The following UNC5D variants were observed in gnomAD, a reference collection of about 807,000 sequenced individuals.
The protein encoded by UNC5D is netrin receptor UNC5D.
Under a neutral mutation model 105.4 loss-of-function variants are expected in UNC5D, and 39 were observed. The ratio of observed to expected loss-of-function variants is 0.37; its 90% CI spans 0.29 to 0.48. The LOEUF (loss-of-function observed/expected upper bound fraction) is 0.48, where lower values mean the gene tolerates loss of function less well. Among genes scored for constraint, UNC5D ranks in the 20% least tolerant of loss-of-function variants. UNC5D has a pLI of 0.98. For synonymous variants in UNC5D, 452 were observed against 450.4 expected (o/e 1.00, Z -0.04); for missense variants, 991 against 1,202.4 (o/e 0.82, Z 2.60).
In UNC5D at chr8:35,375,548, A is replaced by T. The variant is rs1802650076; in HGVS notation, c.103+139661A>T. Among the ~76,000 whole-genome samples, 2 of 104,936 alleles carry T rather than the reference A, an allele frequency of 1.9e-5. 1 individual carries two copies. Among genetic ancestry groups the T allele is most frequent in the East Asian group, 8.1e-4 (2 of 2,478 alleles). 68.8% of individuals were successfully genotyped at this position (104,936 alleles called of 152,430 possible). On this transcript the variant is annotated intron_variant, in intron 1 of 16. Coordinates refer to ENST00000404895, the MANE Select transcript of UNC5D (RefSeq NM_080872.4). Reference sequence around the variant, plus strand: ...GCTCAGTGATGGCAAACCAATGCCCATACAATAATAGTAACAAATAAGATT... The same window carrying T: ...GCTCAGTGATGGCAAACCAATGCCCTTACAATAATAGTAACAAATAAGATT...
chr8:35,679,536 G>A (rs758880520), intron 4 of UNC5D, among the ~76,000 whole-genome samples: 3 of 152,114 alleles, frequency 2.0e-5, no homozygotes, highest in Non-Finnish European at 2.9e-5. Flanking sequence ...TAAAGCTCGA[G>A]GCTCTGAGGT....
intron 4 of UNC5D, among the ~76,000 whole-genome samples, chr8:35,664,864 G>C (rs568149831): frequency 2.9e-4 from 44 of 151,886 alleles, no homozygotes; most frequent in Non-Finnish European, 4.9e-4. Flanking sequence ...TATTTATTTA[G>C]AGATGGGTCT....
At chr8:35,614,389 TG>T (rs1306533196) in intron 4 of UNC5D, among the ~76,000 whole-genome samples, 1 of 152,194 alleles carries the variant, frequency 6.6e-6, no homozygotes. Flanking sequence ...GGGGTGTCCA[TG>T]TTCTGAAGCA....
chr8:35,724,084 C>A, intron 9 of UNC5D: 1 of 1,351,532 alleles, frequency 7.4e-7, no homozygotes, highest in South Asian at 1.9e-5. Flanking sequence ...CAGCGTGTTC[C>A]GTGGAGCACC....
intron 1 of UNC5D, among the ~76,000 whole-genome samples, chr8:35,288,678 C>T (rs760895268): frequency 1.1e-4 from 17 of 152,068 alleles, no homozygotes; most frequent in Admixed American, 5.2e-4. Flanking sequence ...ATAGAAATTA[C>T]AAAAACAAAT....
intron 4 of UNC5D, among the ~76,000 whole-genome samples, chr8:35,629,814 T>A (rs1213160533): frequency 2.0e-5 from 3 of 152,198 alleles, no homozygotes; most frequent in African/African-American, 4.8e-5. Flanking sequence ...GTATTGTCTG[T>A]TTTTTACAAT....
intron 1 of UNC5D, among the ~76,000 whole-genome samples, chr8:35,363,231 A>G (rs1042527504): frequency 1.3e-5 from 2 of 152,172 alleles, no homozygotes; most frequent in Admixed American, 6.6e-5. Context: ...GTGTCTTGGG[A>G]AGCCTCCAAA....
At chr8:35,433,964 T>G (rs1806831854) in intron 1 of UNC5D, among the ~76,000 whole-genome samples, 1 of 152,146 alleles carries the variant, frequency 6.6e-6, no homozygotes, top group South Asian at 2.1e-4. Flanking sequence ...TGACTCCTAC[T>G]CTATTTTGTG....
intron 1 of UNC5D, among the ~76,000 whole-genome samples, chr8:35,452,852 C>T (rs9297239): frequency 0.046 from 6,974 of 152,198 alleles, 174 homozygotes; most frequent in African/African-American, 0.061. Flanking sequence ...AACAGACTTA[C>T]GGTCTCTTCA....
chr8:35,576,096 G>A (rs1818070764), intron 3 of UNC5D, among the ~76,000 whole-genome samples: 2 of 152,160 alleles, frequency 1.3e-5, no homozygotes, highest in South Asian at 4.1e-4. Flanking sequence ...GCAGTCCTGT[G>A]TACATAATTT....
At chr8:35,497,652 G>T (rs1384209919) in intron 1 of UNC5D, among the ~76,000 whole-genome samples, 1 of 142,858 alleles carries the variant, frequency 7.0e-6, no homozygotes, top group Non-Finnish European at 1.5e-5. Context: ...GAGCATGGAT[G>T]AAAAAAAAAA....
chr8:35,323,853 T>C (rs1809940099), intron 1 of UNC5D, among the ~76,000 whole-genome samples: 1 of 152,106 alleles, frequency 6.6e-6, no homozygotes, highest in African/African-American at 2.4e-5. Context: ...GGCTTGCAGG[T>C]TGGTTATTCA....
At chr8:35,266,394 T>C (rs1804873766) in intron 1 of UNC5D, among the ~76,000 whole-genome samples, 1 of 152,202 alleles carries the variant, frequency 6.6e-6, no homozygotes, top group Non-Finnish European at 1.5e-5. Flanking sequence ...TAAATACTGT[T>C]GAAGATTTGA....
intron 1 of UNC5D, among the ~76,000 whole-genome samples, chr8:35,265,849 G>A (rs900786366): frequency 2.7e-5 from 4 of 146,458 alleles, no homozygotes; most frequent in East Asian, 2.0e-4. Flanking sequence ...CAGCCTGAGC[G>A]ACAGAGCGAG....
At chr8:35,782,755 G>A (rs1005443412) in intron 16 of UNC5D, among the ~76,000 whole-genome samples, 6 of 151,940 alleles carry the variant, frequency 3.9e-5, no homozygotes, top group Middle Eastern at 3.4e-3. Flanking sequence ...CACCCTCCTC[G>A]GCCTCCCAAA....
At position 35,314,908 on chromosome 8, in the gene UNC5D, C is replaced by T. The variant is rs140283669; in HGVS notation, c.103+79021C>T. On this transcript the variant is annotated intron_variant, in intron 1 of 16. Coordinates refer to ENST00000404895, the MANE Select transcript of UNC5D (RefSeq NM_080872.4). The stretch of plus-strand genomic sequence containing the variant: ...AATTCACAGAAGGGATATTAAACAC[C>T]ACGTAATGCTGTAAGGAAATGATCC... Among the ~76,000 whole-genome samples the T allele has an allele frequency of 3.9e-5, 6 of 152,130 alleles. No individual in the cohort carries two copies. In the East Asian group the frequency reaches 1.2e-3, roughly 30 times the overall value.
intron 1 of UNC5D, among the ~76,000 whole-genome samples, chr8:35,248,729 A>G (rs1322107422): frequency 9.9e-6 from 1 of 101,286 alleles, no homozygotes; most frequent in Non-Finnish European, 1.7e-5. Context: ...ATATATAAAA[A>G]TATATAATAT....
At chr8:35,306,093 T>G (rs974370838) in intron 1 of UNC5D, among the ~76,000 whole-genome samples, 1 of 151,996 alleles carries the variant, frequency 6.6e-6, no homozygotes, top group African/African-American at 2.4e-5. Flanking sequence ...AGCTAAGTGT[T>G]TTGTTCTTCA....
intron 3 of UNC5D, among the ~76,000 whole-genome samples, chr8:35,590,913 G>T (rs1332116888): frequency 6.6e-6 from 1 of 151,980 alleles, no homozygotes; most frequent in East Asian, 1.9e-4. Flanking sequence ...CATACCATTG[G>T]TTATGCATAT....
Sources: gnomAD v4.1 joint callset for allele counts (sites outside exome capture counted in the v4.1 genomes callset) on GRCh38, gnomAD v4.1.1 for gene constraint, MANE v1.5 for transcripts, NCBI Gene and HGNC (gene_info 2026-07-23, HGNC 2026-07-21) for gene names.